Variants in MTA3 observed in about 807,000 individuals in gnomAD.
MTA3 encodes metastasis-associated protein MTA3.
A neutral mutation model predicts 83.5 loss-of-function variants in MTA3; 34 were observed. The observed-to-expected ratio is 0.41, with a 90% CI of 0.31 to 0.54. The LOEUF is 0.54. Ranked by LOEUF, MTA3 falls within the 20% of genes least tolerant of loss-of-function variation. The probability of loss-of-function intolerance (pLI) is 0.33; values close to 1 mark genes in which losing one functional copy is unlikely to be tolerated. For missense variants in MTA3, 761 were observed against 726.4 expected, an observed-to-expected ratio of 1.05 and a Z score of -0.55; for synonymous variants, 303 against 252.7, an observed-to-expected ratio of 1.20 and a Z score of -1.89.
chr2:42,700,324 G>C (rs1392680784), intron 11 of MTA3, among the ~76,000 whole-genome samples: 1 of 152,240 alleles, frequency 6.6e-6, no homozygotes, highest in Admixed American at 6.5e-5. Context: ...TACAGTCACA[G>C]ATTGTCACAA....
In MTA3 at chr2:42,531,174, G is replaced by A. The variant is rs370506121; in HGVS notation, c.-141+35920G>A. Among the ~76,000 whole-genome samples, 14 of 152,176 alleles carry A rather than the reference G, an allele frequency of 9.2e-5. 1 individual carries two copies. Among genetic ancestry groups the A allele is most frequent in the African/African-American group, 3.1e-4 (13 of 41,546 alleles). On this transcript the variant is annotated intron_variant, in intron 2 of 17. Coordinates refer to the MTA3 transcript ENST00000405592. ...GGTGGAGCCTGTTGGTAAGTAAGCC[G>A]GACTTTCATAAGACAGCAAACCTGC...
At chr2:42,526,867 A>AAC (rs1267710739) in intron 2 of MTA3, among the ~76,000 whole-genome samples, 1 of 151,960 alleles carries the variant, frequency 6.6e-6, no homozygotes, top group Non-Finnish European at 1.5e-5. Flanking sequence ...CATTCTGACC[A>AAC]ACATGGTGAA....
intron 2 of MTA3, among the ~76,000 whole-genome samples, chr2:42,559,926 G>A (rs1033272630): frequency 5.3e-5 from 8 of 151,736 alleles, no homozygotes; most frequent in Non-Finnish European, 1.2e-4. Context: ...CATTGGCCGT[G>A]ACAGCTACCA....
chr2:42,704,447 G>A (rs1573690494), intron 12 of MTA3, 129 bp downstream of exon 12: 22 of 1,053,714 alleles, frequency 2.1e-5, no homozygotes, highest in African/African-American at 9.5e-5. Flanking sequence ...CTCTAAATGA[G>A]TAGATGCCCC....
At position 42,682,434 on chromosome 2, in the gene MTA3, T is replaced by G. The variant is rs755972471; in HGVS notation, c.736T>G (p.Tyr246Asp). ...TATGGATACATTGTATAGACACAGC[T>G]ATGATTTGAGCAGTGCCATTAGTGT... ...HAMDTLYRHS[Y>D]DLSSAISVLV... The change falls in exon 9 of 17, where the codon TAT becomes GAT. Residue 246 changes from tyrosine to aspartate, a missense_variant. Transcript: ENST00000405094. 3 of 1,611,020 alleles carry G rather than the reference T, an allele frequency of 1.9e-6. No individual in the cohort carries two copies. Among genetic ancestry groups the G allele is most frequent in the South Asian group, 2.2e-5 (2 of 90,390 alleles).
At chr2:42,656,101 A>C in intron 6 of MTA3, 99 bp from the exon 7 acceptor site, 1 of 884,700 alleles carries the variant, frequency 1.1e-6, no homozygotes, top group Non-Finnish European at 1.8e-6. Context: ...CTTACCTTAC[A>C]CATAAACATT....
intron 4 of MTA3, among the ~76,000 whole-genome samples, chr2:42,619,916 G>GA (rs966732566): frequency 3.9e-5 from 6 of 152,080 alleles, no homozygotes; most frequent in Admixed American, 3.3e-4. Flanking sequence ...CACAGTTTAA[G>GA]AAAAAAACAA....
In MTA3 at chr2:42,720,155, C is replaced by CTTTATTTATTTA. The variant is rs71410129; in HGVS notation, c.1612+1097_1612+1108dup. On this transcript the variant is annotated intron_variant, in intron 15 of 16. Coordinates refer to ENST00000405094, the MANE Select transcript of MTA3 (RefSeq NM_001330442.2). ...TGTTACTGTACTACCTTATTCCTTG[C>CTTTATTTATTTA]TTTATTTATTTATTTATTTATTTAT... 1.3e-3 allele frequency among the ~76,000 whole-genome samples: 185 copies of CTTTATTTATTTA among 147,594 alleles called. 1 individual carries two copies. The highest frequency in any genetic ancestry group is 4.2e-3 in the African/African-American group (169 of 40,094).
chr2:42,715,044 T>C (rs1408488497), intron 14 of MTA3, among the ~76,000 whole-genome samples: 1 of 152,210 alleles, frequency 6.6e-6, no homozygotes, highest in African/African-American at 2.4e-5. Flanking sequence ...ATATAGATGT[T>C]CTCTCTGGAC....
chr2:42,725,482 C>A (rs962172897), intron 16 of MTA3, among the ~76,000 whole-genome samples: 1 of 152,160 alleles, frequency 6.6e-6, no homozygotes, highest in African/African-American at 2.4e-5. Flanking sequence ...TAAAAGAAAT[C>A]AGTATGATGG....
intron 12 of MTA3, among the ~76,000 whole-genome samples, chr2:42,706,061 C>A (rs954864457): frequency 6.6e-6 from 1 of 151,676 alleles, no homozygotes; most frequent in Non-Finnish European, 1.5e-5. Context: ...ATTTAGAATT[C>A]AAAATAGATT....
At chr2:42,638,867 G>C (rs1039496157) in intron 4 of MTA3, among the ~76,000 whole-genome samples, 1 of 143,614 alleles carries the variant, frequency 7.0e-6, no homozygotes, top group African/African-American at 2.6e-5. Context: ...GTGATCACCA[G>C]AAAAAGACAT....
In MTA3 at chr2:42,754,248, G is replaced by A; in HGVS notation, c.*849G>A. The A allele has an allele frequency of 1.0e-5, 10 of 985,486 alleles. No homozygotes were observed. Among genetic ancestry groups the A allele is most frequent in the Non-Finnish European group, 1.2e-5 (10 of 829,988 alleles). The allele number at this position is 985,486 out of a possible 1,614,324, so 61.0% of individuals were successfully genotyped here. ...ACCAGCTGATGAAGAACTGCTGCCA[G>A]GTGGGTCCTACAGCAGGTCACAAAT... is the stretch of plus-strand genomic sequence containing the variant. On this transcript the variant is annotated 3_prime_UTR_variant, in exon 17 of 17. Coordinates refer to ENST00000405094, the MANE Select transcript of MTA3 (RefSeq NM_001330442.2).
chr2:42,652,762 G>A (rs929597437), intron 6 of MTA3, among the ~76,000 whole-genome samples: 2 of 152,116 alleles, frequency 1.3e-5, no homozygotes, highest in African/African-American at 4.8e-5. Flanking sequence ...CAAAATGAAT[G>A]TGACTTTAAA....
intron 2 of MTA3, among the ~76,000 whole-genome samples, chr2:42,549,447 AT>A (rs1676983837): frequency 4.7e-5 from 2 of 42,190 alleles, no homozygotes; most frequent in African/African-American, 1.2e-4. Flanking sequence ...ACGTATACAT[AT>A]AATATATTAT....
At chr2:42,540,960 G>T (rs1022178916) in intron 2 of MTA3, among the ~76,000 whole-genome samples, 1 of 151,852 alleles carries the variant, frequency 6.6e-6, no homozygotes, top group Non-Finnish European at 1.5e-5. Flanking sequence ...ACTTATGATG[G>T]TTCAACTTAA....
chr2:42,654,323 C>T (rs1178627303), intron 6 of MTA3, among the ~76,000 whole-genome samples: 4 of 152,164 alleles, frequency 2.6e-5, no homozygotes, highest in Admixed American at 6.5e-5. Flanking sequence ...CGGCCCATAG[C>T]CTGGGTTTGT....
intron 4 of MTA3, among the ~76,000 whole-genome samples, chr2:42,621,415 A>C (rs370334007): frequency 1.3e-5 from 2 of 152,230 alleles, no homozygotes; most frequent in African/African-American, 4.8e-5. Context: ...CTGAGTGGAC[A>C]CAGCACATGT....
At chr2:42,500,811 C>CTT (rs1177557640) in intron 2 of MTA3, among the ~76,000 whole-genome samples, 37 of 133,150 alleles carry the variant, frequency 2.8e-4, no homozygotes, top group African/African-American at 4.7e-4. Context: ...CTTTATGAAG[C>CTT]TTTTTTTTTT....
Sources: gnomAD v4.1 joint callset for allele counts (sites outside exome capture counted in the v4.1 genomes callset) on GRCh38, gnomAD v4.1.1 for gene constraint, MANE v1.5 for transcripts, NCBI Gene and HGNC (gene_info 2026-07-23, HGNC 2026-07-21) for gene names.